Variants in USP1 observed in about 807,000 individuals in gnomAD.
The protein encoded by USP1 is ubiquitin specific peptidase 1.
USP1 carries 18 observed loss-of-function variants against 72.2 expected under a neutral mutation model. The observed-to-expected ratio is 0.25, with a 90% CI of 0.17 to 0.37. The LOEUF (loss-of-function observed/expected upper bound fraction) is 0.37. Among genes scored for constraint, USP1 ranks in the 10% least tolerant of loss-of-function variants. The probability of loss-of-function intolerance (pLI) is 1.00; values close to 1 mark genes in which losing one functional copy is unlikely to be tolerated. For synonymous variants in USP1, 354 were observed against 303.7 expected, an observed-to-expected ratio of 1.17 and a Z score of -1.72; for missense variants, 759 against 884.9, an observed-to-expected ratio of 0.86 and a Z score of 1.81.
chr1:62,443,145 T>C lies in USP1; in HGVS notation c.397-14T>C. 1 of 1,605,580 alleles carries C rather than the reference T, an allele frequency of 6.2e-7. No individual in the cohort carries two copies. Among genetic ancestry groups the C allele is most frequent in the East Asian group, 2.2e-5 (1 of 44,534 alleles). On this transcript the variant is annotated splice_polypyrimidine_tract_variant and intron_variant, in intron 4 of 8. Coordinates refer to ENST00000339950, the MANE Select transcript of USP1 (RefSeq NM_003368.5). ...TTCATAAAATTATTGGTTTGTGTGTTTCTTTCTTGACAGGGAAATTGCAAA... is the reference window on the plus strand; with the variant it reads ...TTCATAAAATTATTGGTTTGTGTGTCTCTTTCTTGACAGGGAAATTGCAAA...
upstream of USP1, chr1:62,436,891 A>G: frequency 2.6e-6 from 1 of 386,006 alleles, no homozygotes; most frequent in Non-Finnish European, 4.6e-6. Context: ...CTGGCTCCGG[A>G]GCCCGTGCGT....
rs1163762556 is a variant in USP1, at chr1:62,441,614, T to C, written c.291+6T>C. 1.9e-6 allele frequency: 3 copies of C among 1,601,986 alleles called. No individual in the cohort carries two copies. Among genetic ancestry groups the C allele is most frequent in the Non-Finnish European group, 1.7e-6 (2 of 1,176,640 alleles). On this transcript the variant is annotated splice_donor_region_variant and intron_variant, in intron 3 of 8. Coordinates refer to ENST00000339950, the MANE Select transcript of USP1 (RefSeq NM_003368.5). ...ATCTTAATAGTATACTTCAGGTAAA[T>C]TGACAATTTTGCTATATCATAAAGC...
intron 7 of USP1, among the ~76,000 whole-genome samples, chr1:62,447,918 C>G (rs1164615440): frequency 6.6e-6 from 1 of 152,126 alleles, no homozygotes. Flanking sequence ...TCCTGAGTAG[C>G]TGGGACTGCA....
At position 62,450,823 on chromosome 1, in the gene USP1, T is replaced by A. The variant is rs773779815; in HGVS notation, c.2200T>A (p.Ser734Thr). The stretch of plus-strand genomic sequence containing the variant: ...TATTAGTGGATTTGAGAACAAAATT[T>A]CATACGTAGTGCAAAGCTTAAAGGA... ...INISGFENKI[S>T]YVVQSLKEYE... Residue 734 changes from serine to threonine, a missense_variant, in exon 9 of 9, where the codon TCA (serine) becomes ACA (threonine). Coordinates refer to ENST00000339950, the MANE Select transcript of USP1 (RefSeq NM_003368.5). The A allele has an allele frequency of 6.2e-7, 1 of 1,614,006 alleles. No individual in the cohort carries two copies. The highest frequency in any genetic ancestry group is 1.1e-5 in the South Asian group (1 of 91,046).
intron 3 of USP1, 83 bp from the exon 4 acceptor site, chr1:62,442,112 C>T: frequency 1.0e-6 from 1 of 966,786 alleles, no homozygotes. Flanking sequence ...TAAAAGTGCT[C>T]TATAGAAAGC....
rs535620011 is a variant in USP1 at position 62,439,192 on chromosome 1, G to GT, written c.-69-597dup. 1.8e-3 allele frequency among the ~76,000 whole-genome samples: 261 copies of GT among 148,740 alleles called. 1 individual carries two copies. The highest frequency in any genetic ancestry group is 0.011 in the Middle Eastern group (3 of 284). ...AATCATTATAATGAAATATTAAGTT[G>GT]TTTTTTTTTTGAGACTAAGTCTTGC... On this transcript the variant is annotated intron_variant, in intron 1 of 8. Transcript: ENST00000339950.
chr1:62,450,675 C>G lies in USP1; in HGVS notation c.2052C>G (p.Ala684=), dbSNP rs1645209359. Residue 684 remains alanine, a synonymous_variant, in exon 9 of 9, where the codon GCC becomes GCG. Transcript: ENST00000339950. ...CAGATTATGAGCTATACAACAAAGC[C>G]TCTAATCCTGATAAGGTTGCTAGTA... is the stretch of plus-strand genomic sequence containing the variant. The part of the protein sequence containing the change: ...SKADYELYNK[A]SNPDKVASTA... 1.9e-6 allele frequency: 3 copies of G among 1,614,096 alleles called. No homozygotes were observed. The highest frequency in any genetic ancestry group is 2.5e-6 in the Non-Finnish European group (3 of 1,180,008).
chr1:62,436,726 T>G, upstream of USP1: 3 of 165,062 alleles, frequency 1.8e-5, no homozygotes, highest in Non-Finnish European at 2.6e-5. Flanking sequence ...CGCGCACGAA[T>G]GGTTAAAAAA....
chr1:62,436,450 G>C (rs1645087563), upstream of USP1: 1 of 152,234 alleles, frequency 6.6e-6, no homozygotes, highest in East Asian at 1.9e-4. Context: ...GAGGGGCACC[G>C]CGCCTGAGGA....
Position 62,443,301 on chromosome 1 carries a change from G to A in USP1, c.539G>A (p.Arg180Gln), listed in dbSNP as rs765362710. The change falls in exon 5 of 9, where the codon CGA (arginine) becomes CAA (glutamine). Residue 180 changes from arginine (R) to glutamine (Q), a missense_variant. Arg to Gln is a conservative substitution (Grantham distance 43). This residue lies in a region of USP1 where 16 missense variants were observed against 44.6 expected (regional missense o/e 0.36). Transcript: ENST00000339950. ...GATGAACTTGCCACTCAGCCAAGGC[G>A]ACTGCTTAACACACTGAGGTATAGC... ...YTDELATQPR[R>Q]LLNTLRELNP... 4 of 1,612,704 alleles carry A rather than the reference G, an allele frequency of 2.5e-6. No homozygotes were observed. Among genetic ancestry groups the A allele is most frequent in the South Asian group, 2.2e-5 (2 of 90,712 alleles).
At chr1:62,440,218 A>T (rs1234755745) in intron 2 of USP1, among the ~76,000 whole-genome samples, 181 bp downstream of exon 2, 1 of 152,192 alleles carries the variant, frequency 6.6e-6, no homozygotes, top group African/African-American at 2.4e-5. Context: ...CCCCGTAGGA[A>T]TCACATCGAT....
intron 1 of USP1, among the ~76,000 whole-genome samples, chr1:62,437,762 A>C (rs1645101284): frequency 6.6e-6 from 1 of 152,210 alleles, no homozygotes; most frequent in Admixed American, 6.5e-5. Context: ...AAACGTTTCC[A>C]CGCAGGTTGC....
chr1:62,448,616 G>T lies in USP1; in HGVS notation c.1572G>T (p.Met524Ile), dbSNP rs1358846190. ...EAERSLLFDK[M>I]PEVITIHLKC... ...AACGAAGTCTTTTGTTTGACAAAAT[G>T]CCTGAAGTTATAACTATTCATTTGA... The change falls in exon 8 of 9, where the codon ATG becomes ATT. Residue 524 changes from methionine (M) to isoleucine (I), a missense_variant. Physicochemically the swap from Met to Ile is conservative, Grantham distance 10 (BLOSUM62 1). Coordinates refer to ENST00000339950, the MANE Select transcript of USP1 (RefSeq NM_003368.5). The T allele has an allele frequency of 2.5e-6, 4 of 1,613,556 alleles. No individual in the cohort carries two copies. Among genetic ancestry groups the T allele is most frequent in the Non-Finnish European group, 3.4e-6 (4 of 1,179,908 alleles).
rs1345374303 is a variant in USP1 at position 62,451,267 on chromosome 1, C to G, written c.*286C>G. The G allele has an allele frequency of 8.3e-6, 2 of 241,978 alleles. No individual in the cohort carries two copies. Among genetic ancestry groups the G allele is most frequent in the Non-Finnish European group, 1.6e-5 (2 of 128,146 alleles). The allele number at this position is 241,978 out of a possible 1,614,324, so 15.0% of individuals were successfully genotyped here. A position where few individuals can be genotyped will look rare whatever the true frequency, so the allele number is the denominator to read the frequency against. The stretch of plus-strand genomic sequence containing the variant: ...AGGCATTTAAACACTTGGATTTACA[C>G]CAGTCTTTTGTGTTTGCTTTTTAAA... On this transcript the variant is annotated 3_prime_UTR_variant, in exon 9 of 9. Transcript: ENST00000339950.
intron 3 of USP1, 102 bp downstream of exon 3, chr1:62,441,710 C>T (rs1645135663): frequency 3.8e-6 from 5 of 1,320,256 alleles, no homozygotes; most frequent in South Asian, 1.6e-5. Flanking sequence ...TCCATACTGT[C>T]TTTGCCTTTG....
chr1:62,437,080 G>C lies in USP1; in HGVS notation c.-390G>C. ...GCGCCAAGTTCCCCTCGGTGGCGGAGTGCTAAAGACCCTAGCGGTTCAGGC... is the reference window on the plus strand; with the variant it reads ...GCGCCAAGTTCCCCTCGGTGGCGGACTGCTAAAGACCCTAGCGGTTCAGGC... On this transcript the variant is annotated 5_prime_UTR_variant, in exon 1 of 9. Transcript: ENST00000339950. The C allele has an allele frequency of 2.5e-6, 1 of 398,960 alleles. No individual in the cohort carries two copies. The highest frequency in any genetic ancestry group is 4.4e-6 in the Non-Finnish European group (1 of 225,990). The allele number at this position is 398,960 out of a possible 1,614,324, so 24.7% of individuals were successfully genotyped here.
chr1:62,444,573 C>G (rs1645156726), intron 5 of USP1, among the ~76,000 whole-genome samples, 165 bp from the exon 6 acceptor site: 1 of 152,070 alleles, frequency 6.6e-6, no homozygotes, highest in Non-Finnish European at 1.5e-5. Flanking sequence ...TTTACTCTTA[C>G]TTTTAGTTAC....
Position 62,443,400 on chromosome 1 carries a change from A to G in USP1, c.557+81A>G. 6 of 1,370,554 alleles carry G rather than the reference A, an allele frequency of 4.4e-6. No homozygotes were observed. In the South Asian group the frequency reaches 1.0e-4, roughly 24 times the overall value. 84.9% of individuals were successfully genotyped at this position (1,370,554 alleles called of 1,614,324 possible). On this transcript the variant is annotated intron_variant, in intron 5 of 8. Coordinates refer to ENST00000339950, the MANE Select transcript of USP1 (RefSeq NM_003368.5). Reference sequence around the variant, plus strand: ...GGAGGAGAATGACATGCGAAGAAACAGGAATAAAGGGCAAGGAAAGTAGAA... The same window carrying G: ...GGAGGAGAATGACATGCGAAGAAACGGGAATAAAGGGCAAGGAAAGTAGAA...
rs1458567762 is a variant in USP1, at chr1:62,451,669, G to C, written c.*688G>C. The C allele has an allele frequency of 1.3e-5, 2 of 152,588 alleles. No individual in the cohort carries two copies. The highest frequency in any genetic ancestry group is 2.4e-5 in the African/African-American group (1 of 41,444). 9.5% of individuals were successfully genotyped at this position (152,588 alleles called of 1,614,324 possible). ...ATCTGTATATAGTACATCAAACTTAGAGGTGTGACCTTAAATTTAACTTTT... is the reference window on the plus strand; with the variant it reads ...ATCTGTATATAGTACATCAAACTTACAGGTGTGACCTTAAATTTAACTTTT... On this transcript the variant is annotated 3_prime_UTR_variant, in exon 9 of 9. Coordinates refer to ENST00000339950, the MANE Select transcript of USP1 (RefSeq NM_003368.5).
Sources: gnomAD v4.1 joint callset for allele counts (sites outside exome capture counted in the v4.1 genomes callset) on GRCh38, gnomAD v4.1.1 for gene constraint, gnomAD v4.1.1 regional missense constraint, MANE v1.5 for transcripts, NCBI Gene and HGNC (gene_info 2026-07-23, HGNC 2026-07-21) for gene names.